Variants in AGBL3 observed in about 807,000 individuals in gnomAD.
The protein encoded by AGBL3 is cytosolic carboxypeptidase 3.
In AGBL3, 68 loss-of-function variants were observed where a neutral mutation model predicts 94.5. That is an observed-to-expected ratio of 0.72 (90% CI 0.59 to 0.88). The LOEUF is 0.88. Ranked by LOEUF, AGBL3 falls within the 40% of genes least tolerant of loss-of-function variation. The probability of loss-of-function intolerance (pLI) is 0.00; values close to 1 mark genes in which losing one functional copy is unlikely to be tolerated. For synonymous variants in AGBL3, 354 were observed against 370.7 expected (o/e 0.95, Z 0.52); for missense variants, 934 against 1,103.8 (o/e 0.85, Z 2.18).
intron 8 of AGBL3, among the ~76,000 whole-genome samples, chr7:135,041,310 C>G (rs1465166406): frequency 6.6e-6 from 1 of 151,946 alleles, no homozygotes; most frequent in East Asian, 1.9e-4. Flanking sequence ...CTAGAATAGG[C>G]AAAACAATTT....
intron 16 of AGBL3, among the ~76,000 whole-genome samples, chr7:135,121,966 G>A (rs368974650): frequency 2.0e-5 from 3 of 152,228 alleles, no homozygotes; most frequent in East Asian, 3.8e-4. Flanking sequence ...CCCCAGAGCC[G>A]TGAAGTTTCT....
In AGBL3 at chr7:135,037,708, A is replaced by ATTGGAC. The variant is rs1228642938; in HGVS notation, c.1500+131_1500+132insGACTTG. 13 of 716,836 alleles carry ATTGGAC rather than the reference A, an allele frequency of 1.8e-5. No homozygotes were observed. The South Asian group carries it at 4.7e-4, about 26-fold the overall frequency. The allele number at this position is 716,836 out of a possible 1,614,324, so 44.4% of individuals were successfully genotyped here. On this transcript the variant is annotated intron_variant, in intron 8 of 16. Coordinates refer to ENST00000436302, the MANE Select transcript of AGBL3 (RefSeq NM_178563.4). ...TTAGTTAGTTTGACCAGTTTATACA[A>ATTGGAC]TTGACAATAAGAAAGCAACTATATA...
At chr7:135,047,649 T>C (rs1360760534) in intron 11 of AGBL3, among the ~76,000 whole-genome samples, 2 of 152,060 alleles carry the variant, frequency 1.3e-5, no homozygotes, top group African/African-American at 4.8e-5. Context: ...TTCATATACC[T>C]GTTGGCCAGT....
chr7:135,025,584 T>C (rs10230453), intron 5 of AGBL3, among the ~76,000 whole-genome samples: 140,644 of 151,200 alleles, frequency 0.93, 66,219 homozygotes, highest in Non-Finnish European at 1. Flanking sequence ...TAAAATCGCA[T>C]ATATTAATAC....
intron 5 of AGBL3, among the ~76,000 whole-genome samples, chr7:135,030,158 T>TA (rs74392929): frequency 0.051 from 5,984 of 117,330 alleles, 293 homozygotes; most frequent in Admixed American, 0.13. Flanking sequence ...TTTAATTTGT[T>TA]AAAAAAAAAA....
intron 4 of AGBL3, among the ~76,000 whole-genome samples, chr7:135,014,255 T>A (rs923530116): frequency 6.7e-5 from 10 of 149,156 alleles, no homozygotes; most frequent in Non-Finnish European, 1.5e-4. Context: ...TATTTCTGCA[T>A]AATGAGATTG....
chr7:135,134,076 G>A (rs1829151910), intron 16 of AGBL3, among the ~76,000 whole-genome samples: 1 of 152,094 alleles, frequency 6.6e-6, no homozygotes, highest in South Asian at 2.1e-4. Flanking sequence ...TTAAGGAGGG[G>A]ATGGGAAAGG....
At chr7:134,995,421 AT>A in intron 4 of AGBL3, 1 of 152,264 alleles carries the variant, frequency 6.6e-6, no homozygotes, top group Non-Finnish European at 1.5e-5. Context: ...TTCAGCCGTC[AT>A]TTTGCCCTCA....
chr7:135,072,985 T>C lies in AGBL3; in HGVS notation c.1909-3412T>C, dbSNP rs562852563. On this transcript the variant is annotated intron_variant, in intron 12 of 16. Transcript: ENST00000436302. ...AAGATGAGGGGTGTGTGTATGTGTATGTGTGTGTACATACTGGAATATCAT... is the reference window on the plus strand; with the variant it reads ...AAGATGAGGGGTGTGTGTATGTGTACGTGTGTGTACATACTGGAATATCAT... Among the ~76,000 whole-genome samples, 3 of 152,228 alleles carry C rather than the reference T, an allele frequency of 2.0e-5. No individual in the cohort carries two copies. The East Asian group carries it at 5.8e-4, about 29-fold the overall frequency.
At chr7:135,129,500 A>G in intron 16 of AGBL3, 1 of 772,736 alleles carries the variant, frequency 1.3e-6, no homozygotes, top group Non-Finnish European at 2.4e-6. Context: ...GAACTCCCAT[A>G]GAGAAATTAG....
chr7:135,045,522 GA>G lies in AGBL3; in HGVS notation c.1677del (p.Tyr560IlefsTer22). ...AGCACGAAAGACCTGGAATCAATGG[GA>G]TATCATTTTTGTGATTCTCTCTTGG... ...HFSTKDLESM[G>X]YHFCDSLLDY... On this transcript the variant is annotated frameshift_variant, in exon 10 of 17. Transcript: ENST00000436302. LOFTEE classifies it high-confidence loss of function. 1.9e-6 allele frequency: 3 copies of G among 1,551,162 alleles called. No individual in the cohort carries two copies. Among genetic ancestry groups the G allele is most frequent in the Non-Finnish European group, 2.6e-6 (3 of 1,146,628 alleles).
intron 15 of AGBL3, among the ~76,000 whole-genome samples, chr7:135,096,558 A>AGATAGATAGATAGATAGATAGAT (rs1822770203): frequency 2.5e-5 from 2 of 79,730 alleles, no homozygotes; most frequent in African/African-American, 9.3e-5. Context: ...GAAAGAAAGA[A>AGATAGATAGATAGATAGATAGAT]AGATAGATAG....
Position 135,059,230 on chromosome 7 carries a change from T to G in AGBL3, c.1903T>G (p.Ser635Ala). The G allele has an allele frequency of 1.3e-6, 2 of 1,550,522 alleles. No individual in the cohort carries two copies. The highest frequency in any genetic ancestry group is 1.7e-6 in the Non-Finnish European group (2 of 1,146,104). Residue 635 changes from serine (S) to alanine (A), a missense_variant, in exon 12 of 17, where the codon TCT becomes GCT. Ser to Ala is a moderately conservative substitution (Grantham distance 99). Around this residue, in one of 3 missense-constraint regions of AGBL3, gnomAD observed 441 missense variants for 518.2 expected, o/e 0.85. Coordinates refer to ENST00000436302, the MANE Select transcript of AGBL3 (RefSeq NM_178563.4). The stretch of plus-strand genomic sequence containing the variant: ...TCTGACTTACCTTCTCAAGTTAACT[T>G]CTCAGGTATGACTGAACATTTTTGC... Reference protein sequence around the residue: ...DSLTYLLKLTSQKKHLKTKKE... With the variant: ...DSLTYLLKLTAQKKHLKTKKE...
In AGBL3 at chr7:135,130,238, C is replaced by T. The variant is rs190939097; in HGVS notation, c.2343-4603C>T. ...CTGGAGGAAGCCCTTTACTCTGTAA[C>T]TGACTGGATGGTCCAGTGTCATTTT... On this transcript the variant is annotated intron_variant, in intron 16 of 16. Transcript: ENST00000436302. Among the ~76,000 whole-genome samples the T allele has an allele frequency of 2.6e-4, 39 of 152,338 alleles. No individual in the cohort carries two copies. The East Asian group carries it at 7.3e-3, about 29-fold the overall frequency.
chr7:135,091,918 C>T (rs1821909649), intron 15 of AGBL3, among the ~76,000 whole-genome samples: 1 of 152,198 alleles, frequency 6.6e-6, no homozygotes, highest in Admixed American at 6.5e-5. Context: ...AGTTGGTCTG[C>T]TGGCTCAGAG....
intron 5 of AGBL3, among the ~76,000 whole-genome samples, chr7:135,017,601 A>T (rs1037028384): frequency 2.0e-5 from 3 of 152,216 alleles, no homozygotes; most frequent in African/African-American, 7.2e-5. Context: ...TTTGCAAAAA[A>T]TCAAACATAG....
intron 16 of AGBL3, among the ~76,000 whole-genome samples, chr7:135,121,609 C>T (rs1424906217): frequency 2.0e-5 from 3 of 150,892 alleles, no homozygotes; most frequent in Admixed American, 6.6e-5. Flanking sequence ...CTGAATAAAT[C>T]GTGAGTCAAA....
chr7:135,001,603 G>A (rs1266204396), intron 4 of AGBL3, among the ~76,000 whole-genome samples: 1 of 152,144 alleles, frequency 6.6e-6, no homozygotes, highest in Admixed American at 6.5e-5. Context: ...TAAGACCTTT[G>A]ATCCCATCAG....
intron 8 of AGBL3, among the ~76,000 whole-genome samples, chr7:135,040,383 G>A (rs969405608): frequency 6.6e-6 from 1 of 152,076 alleles, no homozygotes; most frequent in African/African-American, 2.4e-5. Flanking sequence ...CAAAATATTA[G>A]CATATTAAAT....
Sources: gnomAD v4.1 joint callset for allele counts (sites outside exome capture counted in the v4.1 genomes callset) on GRCh38, gnomAD v4.1.1 for gene constraint, gnomAD v4.1.1 regional missense constraint, MANE v1.5 for transcripts, NCBI Gene and HGNC (gene_info 2026-07-23, HGNC 2026-07-21) for gene names.